The following NLRP7 variants were observed in gnomAD, a reference collection of about 807,000 sequenced individuals.
NLRP7 encodes the protein NACHT, LRR and PYD domains-containing protein 7.
NLRP7 carries 72 observed loss-of-function variants against 85.5 expected under a neutral mutation model. That is an observed-to-expected ratio of 0.84 (90% CI 0.70 to 1.02). The LOEUF is 1.02. Ranked by LOEUF, NLRP7 falls within the 50% of genes least tolerant of loss-of-function variation. The pLI is 0.00. For missense variants in NLRP7, 1,243 were observed against 1,219.5 expected (o/e 1.02, Z -0.29); for synonymous variants, 550 against 505.2 (o/e 1.09, Z -1.19).
intron 3 of NLRP7, 93 bp downstream of exon 3, chr19:54,940,838 A>T: frequency 2.2e-6 from 2 of 899,004 alleles, no homozygotes; most frequent in Non-Finnish European, 3.7e-6. Flanking sequence ...AAAAAAAAAA[A>T]AACTACCAGA....
chr19:54,940,499 G>C, intron 3 of NLRP7, 33 bp from the exon 4 acceptor site: 1 of 1,607,976 alleles, frequency 6.2e-7, no homozygotes, highest in South Asian at 1.1e-5. Context: ...AGTTGAGGTT[G>C]ATGATGATGA....
chr19:54,954,610 C>A (rs1039578261), intron 1 of NLRP7, among the ~76,000 whole-genome samples: 1 of 151,862 alleles, frequency 6.6e-6, no homozygotes, highest in Admixed American at 6.6e-5. Context: ...TTTGGGAGGC[C>A]GAGGCGGGCA....
rs2068577160 is a variant in NLRP7, at chr19:54,929,388, G to A, written c.2810+1111C>T. Among the ~76,000 whole-genome samples the A allele has an allele frequency of 1.6e-5, 2 of 123,974 alleles. 1 individual carries two copies. The highest frequency in any genetic ancestry group is 5.8e-4 in the South Asian group (2 of 3,426). The allele number at this position is 123,974 out of a possible 152,430, so 81.3% of individuals were successfully genotyped here. On this transcript the variant is annotated intron_variant, in intron 9 of 9. Transcript: ENST00000340844. ...TGAAAAAAGAAAAAAAGTACCCTGTGTTCTAGTGTTTTTTTTCTTTACTCT... is the reference window on the plus strand; with the variant it reads ...TGAAAAAAGAAAAAAAGTACCCTGTATTCTAGTGTTTTTTTTCTTTACTCT...
chr19:54,953,836 TA>T (rs759921881), intron 1 of NLRP7, among the ~76,000 whole-genome samples: 7,677 of 138,744 alleles, frequency 0.055, 225 homozygotes, highest in South Asian at 0.091. Context: ...CCATCTCTAC[TA>T]AAAAAAAAAA....
chr19:54,937,893 G>A (rs1288612778), intron 5 of NLRP7, 151 bp downstream of exon 5: 19 of 658,516 alleles, frequency 2.9e-5, no homozygotes, highest in East Asian at 7.8e-5. Flanking sequence ...GTAAATCTCC[G>A]TCTCACCAAA....
chr19:54,947,781 G>T, upstream of NLRP7: 2 of 576,252 alleles, frequency 3.5e-6, no homozygotes, highest in Non-Finnish European at 5.8e-6. Flanking sequence ...GGCCAGGTGT[G>T]ATAGGCGACA....
chr19:54,941,047 C>G, intron 2 of NLRP7, 42 bp from the exon 3 acceptor site: 2 of 1,342,094 alleles, frequency 1.5e-6, no homozygotes, highest in South Asian at 2.3e-5. Context: ...GTAATTTACA[C>G]TTCGTAAATC....
chr19:54,940,123 A>T, exon 4 of NLRP7: 1 of 1,614,200 alleles, frequency 6.2e-7, no homozygotes, highest in Non-Finnish European at 8.5e-7. Context: ...CCTGCAATTC[A>T]GGCCAGTCTT....
chr19:54,936,343 C>G (rs1469741057), exon 6 of NLRP7: 4 of 1,614,072 alleles, frequency 2.5e-6, no homozygotes, highest in Middle Eastern at 1.7e-4. Context: ...TCGATGTGCC[C>G]TGCCAGGGTC....
intron 1 of NLRP7, among the ~76,000 whole-genome samples, chr19:54,959,421 G>A (rs1247745740): frequency 2.0e-5 from 3 of 151,108 alleles, no homozygotes; most frequent in Non-Finnish European, 4.4e-5. Context: ...ACAGGCGTGA[G>A]CCACCGTGCC....
chr19:54,962,893 T>G (rs531843352), intron 1 of NLRP7, among the ~76,000 whole-genome samples: 1 of 151,852 alleles, frequency 6.6e-6, no homozygotes, highest in Non-Finnish European at 1.5e-5. Flanking sequence ...GGCACCACAC[T>G]GGGCCCCCTC....
intron 6 of NLRP7, among the ~76,000 whole-genome samples, chr19:54,935,732 G>C (rs1183089477): frequency 1.3e-5 from 2 of 150,962 alleles, no homozygotes; most frequent in African/African-American, 2.4e-5. Flanking sequence ...TGAGTGCAGA[G>C]AAGGTTGCAT....
chr19:54,961,983 G>A, intron 1 of NLRP7, among the ~76,000 whole-genome samples: 1 of 150,664 alleles, frequency 6.6e-6, no homozygotes, highest in Non-Finnish European at 1.5e-5. Context: ...AAAGGGTATG[G>A]TGAAACCCCA....
At chr19:54,944,681 T>A (rs1276689423) in intron 1 of NLRP7, among the ~76,000 whole-genome samples, 2 of 151,970 alleles carry the variant, frequency 1.3e-5, no homozygotes, top group African/African-American at 4.8e-5. Flanking sequence ...TATAATTACA[T>A]ATATCCTATT....
At chr19:54,944,491 G>A (rs1026165141) in intron 1 of NLRP7, among the ~76,000 whole-genome samples, 6 of 151,994 alleles carry the variant, frequency 3.9e-5, no homozygotes, top group Admixed American at 6.6e-5. Flanking sequence ...TCTCCGAGAT[G>A]GTAGAGATAA....
chr19:54,957,272 C>T (rs984240954), intron 1 of NLRP7, among the ~76,000 whole-genome samples: 7 of 151,132 alleles, frequency 4.6e-5, no homozygotes, highest in African/African-American at 1.5e-4. Context: ...CCACCCATTT[C>T]GGTTCCCAAA....
intron 1 of NLRP7, among the ~76,000 whole-genome samples, chr19:54,958,201 AAAG>A (rs1180474951): frequency 6.6e-6 from 1 of 152,130 alleles, no homozygotes; most frequent in Non-Finnish European, 1.5e-5. Flanking sequence ...AAAGAAAGAC[AAAG>A]AAGGAGAGAG....
At chr19:54,956,850 G>A (rs1285966784) in intron 1 of NLRP7, among the ~76,000 whole-genome samples, 1 of 150,890 alleles carries the variant, frequency 6.6e-6, no homozygotes, top group Non-Finnish European at 1.5e-5. Flanking sequence ...GGCTTGTCTC[G>A]AACTCCTGTC....
chr19:54,947,858 G>A, upstream of NLRP7: 175 of 201,348 alleles, frequency 8.7e-4, no homozygotes, highest in East Asian at 3.8e-3. Context: ...CTCTTGTAGA[G>A]AAAAAAAATT....
Sources: allele counts gnomAD v4.1 joint callset (sites outside exome capture counted in the v4.1 genomes callset), GRCh38; gene constraint gnomAD v4.1.1; transcripts MANE v1.5; gene names NCBI Gene and HGNC (gene_info 2026-07-23, HGNC 2026-07-21).